PTPRB: variants seen among roughly 807,000 people sequenced by gnomAD.
PTPRB encodes receptor-type tyrosine-protein phosphatase beta.
Under a neutral mutation model 238.1 loss-of-function variants are expected in PTPRB, and 97 were observed. That is an observed-to-expected ratio of 0.41 (90% CI 0.35 to 0.48). PTPRB has a LOEUF of 0.48. Among genes scored for constraint, PTPRB ranks in the 20% least tolerant of loss-of-function variants. The pLI, the probability that PTPRB is intolerant of heterozygous loss-of-function variation, is 0.30. For missense variants in PTPRB, 2,292 were observed against 2,681.9 expected, an observed-to-expected ratio of 0.85 and a Z score of 3.21; for synonymous variants, 970 against 995.4, an observed-to-expected ratio of 0.97 and a Z score of 0.48.
intron 3 of PTPRB, among the ~76,000 whole-genome samples, chr12:70,612,450 T>A (rs1485207236): frequency 6.6e-6 from 1 of 152,226 alleles, no homozygotes; most frequent in Non-Finnish European, 1.5e-5. Context: ...GTTTTTGTTC[T>A]CATCTTTGTT....
chr12:70,552,252 G>C (rs1301246111), intron 21 of PTPRB, among the ~76,000 whole-genome samples: 1 of 152,138 alleles, frequency 6.6e-6, no homozygotes, highest in Non-Finnish European at 1.5e-5. Context: ...GGGAGGCCAA[G>C]GCAGGCAGAT....
At chr12:70,619,922 A>G (rs1446532687) in intron 3 of PTPRB, among the ~76,000 whole-genome samples, 1 of 152,188 alleles carries the variant, frequency 6.6e-6, no homozygotes, top group Non-Finnish European at 1.5e-5. Flanking sequence ...TTACTTTTCA[A>G]AGTATCTAAC....
chr12:70,584,980 G>A (rs79664377), intron 9 of PTPRB: 1 of 86,586 alleles, frequency 1.2e-5, no homozygotes, highest in Non-Finnish European at 2.4e-5. Context: ...TTTTTTTTTT[G>A]AGGCAGGTTC....
In PTPRB at chr12:70,622,510, A is replaced by G; in HGVS notation, c.588T>C (p.Ala196=). ...RNTTEAFIRN[A]AENYSQNSSE... is the part of the protein sequence containing the mutation. ...TGCTGTTTTGGCTGTAGTTTTCTGC[A>G]GCATTTCTGATGAAGGCCTCTGTGG... is the stretch of plus-strand genomic sequence containing the variant. Residue 196 remains alanine, a synonymous_variant, in exon 3 of 34, where the codon GCT becomes GCC. Transcript: ENST00000334414. The G allele has an allele frequency of 6.2e-7, 1 of 1,613,360 alleles. No individual in the cohort carries two copies. Among genetic ancestry groups the G allele is most frequent in the Non-Finnish European group, 8.5e-7 (1 of 1,179,588 alleles).
At chr12:70,616,373 T>G (rs1026617265) in intron 3 of PTPRB, among the ~76,000 whole-genome samples, 2 of 152,234 alleles carry the variant, frequency 1.3e-5, no homozygotes, top group African/African-American at 4.8e-5. Flanking sequence ...TCTGATGTCC[T>G]TGTGATTAGA....
intron 11 of PTPRB, among the ~76,000 whole-genome samples, chr12:70,575,822 G>C (rs1376095371): frequency 6.6e-6 from 1 of 152,078 alleles, no homozygotes; most frequent in East Asian, 1.9e-4. Context: ...TAAGATTTTT[G>C]CTCCCTAGTC....
chr12:70,589,478 T>C (rs1565984097), intron 8 of PTPRB, among the ~76,000 whole-genome samples: 1 of 152,234 alleles, frequency 6.6e-6, no homozygotes, highest in African/African-American at 2.4e-5. Context: ...CACGATTATA[T>C]TGCAAAGCTT....
chr12:70,555,871 G>A lies in PTPRB; in HGVS notation c.4992C>T (p.Asp1664=). 6.2e-7 allele frequency: 1 copy of A among 1,612,148 alleles called. No individual in the cohort carries two copies. The highest frequency in any genetic ancestry group is 8.5e-7 in the Non-Finnish European group (1 of 1,179,782). Residue 1664 remains aspartate, a splice_region_variant and synonymous_variant, in exon 19 of 34, where the codon GAC becomes GAT. Coordinates refer to ENST00000334414, the MANE Select transcript of PTPRB (RefSeq NM_001109754.4). ...GTGCGCACCTCCAGGGACACTTACG[G>A]TCTATCATTGTGATAGTGCTGTCTT... ...VVEDSTITMI[D]RPPPPPPHIR...
intron 10 of PTPRB, among the ~76,000 whole-genome samples, chr12:70,578,560 CT>C (rs1295338889): frequency 6.6e-6 from 1 of 151,976 alleles, no homozygotes; most frequent in East Asian, 1.9e-4. Context: ...TTTCTTGTCC[CT>C]TTTTCCCTTT....
intron 9 of PTPRB, among the ~76,000 whole-genome samples, chr12:70,583,317 T>C (rs1881572887): frequency 6.6e-6 from 1 of 152,004 alleles, no homozygotes; most frequent in Non-Finnish European, 1.5e-5. Context: ...ACTATACATA[T>C]TGGATAAAAT....
At chr12:70,589,585 A>G (rs1488090856) in intron 8 of PTPRB, among the ~76,000 whole-genome samples, 1 of 151,720 alleles carries the variant, frequency 6.6e-6, no homozygotes, top group African/African-American at 2.4e-5. Flanking sequence ...CACTTTAATC[A>G]CTCTTCATTG....
intron 22 of PTPRB, among the ~76,000 whole-genome samples, chr12:70,543,906 G>A (rs1875555120): frequency 1.3e-5 from 2 of 152,154 alleles, no homozygotes; most frequent in South Asian, 4.1e-4. Context: ...TCAAAAGACT[G>A]TCATGAGAAT....
At chr12:70,564,667 A>G (rs1217624648) in intron 15 of PTPRB, among the ~76,000 whole-genome samples, 2 of 151,878 alleles carry the variant, frequency 1.3e-5, no homozygotes, top group Admixed American at 1.3e-4. Flanking sequence ...CCCTGTGTCT[A>G]CAAGAAAATA....
chr12:70,637,403 TTAGCAAC>T lies in PTPRB; in HGVS notation c.-15_-9del. On this transcript the variant is annotated 5_prime_UTR_variant, in exon 1 of 34. It removes the in-frame stop codon of an upstream open reading frame in the 5' UTR. Coordinates refer to ENST00000334414, the MANE Select transcript of PTPRB (RefSeq NM_001109754.4). ...GTAAAATTCAGCCTCCATTTTCCAC[TTAGCAAC>T]TGTTCATGCTTCGCTTGGGGAAAAA... is the stretch of plus-strand genomic sequence containing the variant. The T allele has an allele frequency of 6.2e-7, 1 of 1,605,960 alleles. No individual in the cohort carries two copies. The highest frequency in any genetic ancestry group is 1.1e-5 in the South Asian group (1 of 89,154).
chr12:70,544,126 A>G (rs1291727340), intron 22 of PTPRB, among the ~76,000 whole-genome samples: 1 of 152,130 alleles, frequency 6.6e-6, no homozygotes, highest in Admixed American at 6.5e-5. Flanking sequence ...AATCACCTGT[A>G]TTTCCATTAC....
At position 70,566,454 on chromosome 12, in the gene PTPRB, G is replaced by A. The variant is rs1879309467; in HGVS notation, c.3885C>T (p.Ala1295=). ...AATTACCTGTTCGGCCTTCAGTCTGGGCTTCCTTGCTAAAGAGGCCTCCAC... is the reference window on the plus strand; with the variant it reads ...AATTACCTGTTCGGCCTTCAGTCTGAGCTTCCTTGCTAAAGAGGCCTCCAC... ...TVSGGLFSKE[A]QTEGRTVPAA... is the part of the protein sequence containing the mutation. Residue 1295 remains alanine (A), a synonymous_variant, in exon 15 of 34, where the codon GCC becomes GCT. Transcript: ENST00000334414. The A allele has an allele frequency of 6.2e-7, 1 of 1,613,804 alleles. No homozygotes were observed. Among genetic ancestry groups the A allele is most frequent in the East Asian group, 2.2e-5 (1 of 44,878 alleles).
In PTPRB at chr12:70,527,446, G is replaced by A. The variant is rs147671009; in HGVS notation, c.6505-2855C>T. Among the ~76,000 whole-genome samples, 344 of 152,252 alleles carry A rather than the reference G, an allele frequency of 2.3e-3. 1 individual carries two copies. The highest frequency in any genetic ancestry group is 4.9e-3 in the Admixed American group (75 of 15,280). On this transcript the variant is annotated intron_variant, in intron 32 of 33. Coordinates refer to ENST00000334414, the MANE Select transcript of PTPRB (RefSeq NM_001109754.4). ...TTGCATGGGTCATGGGAAACCCCTC[G>A]AACAATGCCCCAAATGCAACCTGAG...
intron 3 of PTPRB, among the ~76,000 whole-genome samples, chr12:70,616,880 G>A (rs1884703643): frequency 6.6e-6 from 1 of 152,090 alleles, no homozygotes; most frequent in Non-Finnish European, 1.5e-5. Context: ...CTCAGTATGG[G>A]GGTGGATTGA....
In PTPRB at chr12:70,587,282, A is replaced by G; in HGVS notation, c.2051-15T>C. The G allele has an allele frequency of 1.2e-6, 2 of 1,612,824 alleles. No individual in the cohort carries two copies. Among genetic ancestry groups the G allele is most frequent in the East Asian group, 2.2e-5 (1 of 44,876 alleles). On this transcript the variant is annotated splice_polypyrimidine_tract_variant and intron_variant, in intron 8 of 33. Coordinates refer to ENST00000334414, the MANE Select transcript of PTPRB (RefSeq NM_001109754.4). ...AGCCAGGGGGACTGAGGAAAAAGCA[A>G]TGGAGATGGGTCATTGATGGACTGA...
Sources: allele counts gnomAD v4.1 joint callset (sites outside exome capture counted in the v4.1 genomes callset), GRCh38; gene constraint gnomAD v4.1.1; transcripts MANE v1.5; gene names NCBI Gene and HGNC (gene_info 2026-07-23, HGNC 2026-07-21).